LIMCH1: variants seen among roughly 807,000 people sequenced by gnomAD.
LIMCH1 encodes the protein LIM and calponin homology domains 1, also known as LIM and calponin homology domains-containing protein 1.
A neutral mutation model predicts 176.5 loss-of-function variants in LIMCH1; 113 were observed. That is an observed-to-expected ratio of 0.64 (90% CI 0.55 to 0.75). LIMCH1 has a LOEUF of 0.75. Ranked by LOEUF, LIMCH1 falls within the 30% of genes least tolerant of loss-of-function variation. LIMCH1 has a pLI of 0.00. For synonymous variants in LIMCH1, 619 were observed against 645.9 expected (o/e 0.96, Z 0.63); for missense variants, 1,674 against 1,814.9 (o/e 0.92, Z 1.41).
intron 1 of LIMCH1, among the ~76,000 whole-genome samples, chr4:41,547,707 A>G (rs1229323845): frequency 6.8e-6 from 1 of 146,324 alleles, no homozygotes; most frequent in Non-Finnish European, 1.5e-5. Context: ...CATATATAAT[A>G]GTATACACAT....
chr4:41,624,536 G>GT (rs1331029509), intron 7 of LIMCH1, among the ~76,000 whole-genome samples: 3 of 146,046 alleles, frequency 2.1e-5, no homozygotes, highest in African/African-American at 7.6e-5. Context: ...AGTAATTGCG[G>GT]TTTTGCCATT....
intron 1 of LIMCH1, among the ~76,000 whole-genome samples, chr4:41,439,975 C>T (rs1221271296): frequency 1.3e-5 from 2 of 152,146 alleles, no homozygotes; most frequent in African/African-American, 4.8e-5. Flanking sequence ...TTTATTAATT[C>T]ACTTGGTGAT....
intron 1 of LIMCH1, among the ~76,000 whole-genome samples, chr4:41,490,726 A>T (rs546571685): frequency 2.6e-5 from 4 of 151,728 alleles, no homozygotes; most frequent in South Asian, 2.1e-4. Flanking sequence ...TTTTCCCCAC[A>T]TTTCCCCCTT....
rs34011822 is a variant in LIMCH1 at position 41,390,239 on chromosome 4, G to GGAGAGAGA, written c.96+29331_96+29338dup. 5.8e-3 allele frequency among the ~76,000 whole-genome samples: 799 copies of GGAGAGAGA among 138,410 alleles called. 2 individuals carry two copies. Among genetic ancestry groups the GGAGAGAGA allele is most frequent in the African/African-American group, 8.2e-3 (311 of 37,856 alleles). 90.8% of individuals were successfully genotyped at this position (138,410 alleles called of 152,430 possible). A position where few individuals can be genotyped will look rare whatever the true frequency, so the allele number is the denominator to read the frequency against. ...TCTGCTCTACCTGCATCTCTCTCAG[G>GGAGAGAGA]GAGAGAGAGAGAGAGAGAGAGAGAG... On this transcript the variant is annotated intron_variant, in intron 1 of 26. Coordinates refer to the LIMCH1 transcript ENST00000313860.
At chr4:41,373,092 T>G (rs1172428460) in intron 1 of LIMCH1, among the ~76,000 whole-genome samples, 2 of 152,102 alleles carry the variant, frequency 1.3e-5, no homozygotes, top group Non-Finnish European at 2.9e-5. Context: ...ATCACGCGTG[T>G]GATGCATGCT....
intron 2 of LIMCH1, among the ~76,000 whole-genome samples, chr4:41,514,664 G>A (rs1311520055): frequency 6.6e-6 from 1 of 152,202 alleles, no homozygotes; most frequent in East Asian, 1.9e-4. Context: ...GAAGAGCAAT[G>A]GGTTTGCTTT....
At chr4:41,631,681 T>G (rs2093334364) in intron 10 of LIMCH1, among the ~76,000 whole-genome samples, 1 of 152,232 alleles carries the variant, frequency 6.6e-6, no homozygotes, top group African/African-American at 2.4e-5. Flanking sequence ...GATTCTGTTG[T>G]CACCAGAATC....
chr4:41,475,469 A>G (rs570359191), intron 1 of LIMCH1, among the ~76,000 whole-genome samples: 1 of 152,270 alleles, frequency 6.6e-6, no homozygotes, highest in East Asian at 1.9e-4. Flanking sequence ...CCCACTTTGC[A>G]TTCAGTGATA....
intron 1 of LIMCH1, among the ~76,000 whole-genome samples, chr4:41,539,611 C>T (rs554883271): frequency 6.6e-6 from 1 of 152,308 alleles, no homozygotes; most frequent in East Asian, 1.9e-4. Flanking sequence ...AGAGGGACTT[C>T]CTAACACCGT....
Position 41,684,397 on chromosome 4 carries a change from C to G in LIMCH1, c.3846C>G (p.Ser1282Arg). 6.2e-7 allele frequency: 1 copy of G among 1,613,308 alleles called. No individual in the cohort carries two copies. The highest frequency in any genetic ancestry group is 8.5e-7 in the Non-Finnish European group (1 of 1,179,616). The change falls in exon 27 of 32, where the codon AGC (serine) becomes AGG (arginine). Residue 1282 changes from serine to arginine, a missense_variant and splice_region_variant. By Grantham distance (110) the Ser-to-Arg change is moderately radical (BLOSUM62 -1). Transcript: ENST00000503057. ...GAAGTATACCTCTTTATTTTAACAG[C>G]CTAACTGAAGGGGCCTTGGCTCATT... ...RESDRLEEKG[S>R]LTEGALAHSG...
At position 41,680,985 on chromosome 4, in the gene LIMCH1, C is replaced by G. The variant is rs772555001; in HGVS notation, c.3643C>G (p.Pro1215Ala). 5.0e-6 allele frequency: 8 copies of G among 1,609,880 alleles called. No individual in the cohort carries two copies. In the South Asian group the frequency reaches 8.8e-5, roughly 18 times the overall value. Residue 1215 changes from proline to alanine, a missense_variant, in exon 25 of 32, where the codon CCA (proline) becomes GCA (alanine). Pro to Ala is a conservative substitution (Grantham distance 27). Transcript: ENST00000503057. The stretch of plus-strand genomic sequence containing the variant: ...TAAGATAATTGAAGACACTGTGGTT[C>G]CATTTACTGTTTCTTCAAGTTCCGC... The part of the protein sequence containing the change: ...ERKIIEDTVV[P>A]FTVSSSSADQ...
chr4:41,399,700 T>TTTTTTTTTTTTTTA (rs2058177644), intron 1 of LIMCH1, among the ~76,000 whole-genome samples: 1 of 147,420 alleles, frequency 6.8e-6, no homozygotes, highest in Non-Finnish European at 1.5e-5. Context: ...TTTTTTTTTT[T>TTTTTTTTTTTTTTA]GAGATGGAGT....
intron 17 of LIMCH1, 68 bp downstream of exon 17, chr4:41,646,961 G>A (rs141963338): frequency 2.3e-5 from 31 of 1,377,438 alleles, no homozygotes; most frequent in Middle Eastern, 1.9e-4. Flanking sequence ...GAAGCATCAT[G>A]ACTCAAGAAA....
At chr4:41,380,484 T>A (rs1482985901) in intron 1 of LIMCH1, among the ~76,000 whole-genome samples, 1 of 152,056 alleles carries the variant, frequency 6.6e-6, no homozygotes, top group East Asian at 1.9e-4. Flanking sequence ...TTTCTTTTTT[T>A]TTTTTTAGAT....
chr4:41,443,205 T>C (rs565208842), intron 1 of LIMCH1, among the ~76,000 whole-genome samples: 3 of 49,562 alleles, frequency 6.1e-5, no homozygotes, highest in Admixed American at 2.0e-4. Flanking sequence ...TTTTTTTTTT[T>C]TTTTTTTTTT....
At chr4:41,426,621 C>G (rs977457140) in intron 1 of LIMCH1, among the ~76,000 whole-genome samples, 5 of 152,152 alleles carry the variant, frequency 3.3e-5, no homozygotes, top group African/African-American at 1.2e-4. Context: ...TGTAAAGAGT[C>G]CAATATATAC....
chr4:41,504,227 T>G (rs1363105128), intron 2 of LIMCH1, among the ~76,000 whole-genome samples: 1 of 152,172 alleles, frequency 6.6e-6, no homozygotes, highest in Admixed American at 6.5e-5. Flanking sequence ...GACCTTTCTT[T>G]CCAGGGGTTG....
intron 5 of LIMCH1, among the ~76,000 whole-genome samples, chr4:41,617,309 T>C (rs993761569): frequency 6.6e-6 from 1 of 152,126 alleles, no homozygotes; most frequent in Non-Finnish European, 1.5e-5. Flanking sequence ...AGGAAAGAAC[T>C]TTGGGAGTCA....
chr4:41,551,604 C>A (rs1368320125), intron 1 of LIMCH1, among the ~76,000 whole-genome samples: 1 of 151,990 alleles, frequency 6.6e-6, no homozygotes, highest in Admixed American at 6.6e-5. Context: ...CAGCCTGCTT[C>A]CTTTTGTTCA....
Sources: gnomAD v4.1 joint callset for allele counts (sites outside exome capture counted in the v4.1 genomes callset) on GRCh38, gnomAD v4.1.1 for gene constraint, MANE v1.5 for transcripts, NCBI Gene and HGNC (gene_info 2026-07-23, HGNC 2026-07-21) for gene names.